Variants in BMPR1B observed in about 807,000 individuals in gnomAD.
BMPR1B encodes bone morphogenetic protein receptor type 1B.
A neutral mutation model predicts 59.1 loss-of-function variants in BMPR1B; 12 were observed. The observed-to-expected ratio is 0.20, with a 90% CI of 0.13 to 0.33. The LOEUF (loss-of-function observed/expected upper bound fraction) is 0.33, where lower values mean the gene tolerates loss of function less well. Ranked by LOEUF, BMPR1B falls within the 10% of genes least tolerant of loss-of-function variation. The pLI is 1.00. For missense variants in BMPR1B, 550 were observed against 610.9 expected, an observed-to-expected ratio of 0.90 and a Z score of 1.05; for synonymous variants, 237 against 207.3, an observed-to-expected ratio of 1.14 and a Z score of -1.23.
At chr4:95,103,536 C>G (rs1730975305) in intron 3 of BMPR1B, 1 of 958,264 alleles carries the variant, frequency 1.0e-6, no homozygotes, top group African/African-American at 1.8e-5. Context: ...TAATGCATGC[C>G]CTCTTCTGTG....
chr4:94,967,937 T>C (rs1219937212), intron 2 of BMPR1B, among the ~76,000 whole-genome samples: 1 of 152,234 alleles, frequency 6.6e-6, no homozygotes, highest in Non-Finnish European at 1.5e-5. Flanking sequence ...GAACATGAGA[T>C]ATGGCACATT....
At chr4:94,758,540 A>G (rs1266608909) in intron 1 of BMPR1B, among the ~76,000 whole-genome samples, 1 of 151,872 alleles carries the variant, frequency 6.6e-6, no homozygotes, top group Admixed American at 6.5e-5. Context: ...GCGGGGGCCC[A>G]GGGCCAGCCC....
chr4:95,088,176 T>C (rs1729730681), intron 3 of BMPR1B, among the ~76,000 whole-genome samples: 1 of 152,186 alleles, frequency 6.6e-6, no homozygotes, highest in South Asian at 2.1e-4. Context: ...TTTTCTGCTG[T>C]TTATCCTAAA....
intron 6 of BMPR1B, among the ~76,000 whole-genome samples, chr4:95,123,246 A>G (rs1253863548): frequency 6.6e-6 from 1 of 152,210 alleles, no homozygotes; most frequent in African/African-American, 2.4e-5. Context: ...AAGAAAAAGT[A>G]TGGATTTTGA....
chr4:95,109,535 C>A (rs936846889), intron 4 of BMPR1B, among the ~76,000 whole-genome samples: 3 of 152,038 alleles, frequency 2.0e-5, no homozygotes, highest in Non-Finnish European at 2.9e-5. Flanking sequence ...GCACGTTTTA[C>A]CTTGCATACT....
chr4:94,926,921 T>C (rs1000041655), intron 2 of BMPR1B, among the ~76,000 whole-genome samples: 9 of 152,116 alleles, frequency 5.9e-5, no homozygotes, highest in Non-Finnish European at 1.0e-4. Context: ...TAAATGCATG[T>C]TTTTTCTTTG....
In BMPR1B at chr4:95,131,276, C is replaced by G. The variant is rs1401526219; in HGVS notation, c.840C>G (p.Asp280Glu). 1 of 1,613,882 alleles carries G rather than the reference C, an allele frequency of 6.2e-7. No individual in the cohort carries two copies. The highest frequency in any genetic ancestry group is 2.2e-5 in the East Asian group (1 of 44,860). ...GGACCCAGTTGTACCTAATCACAGA[C>G]TATCATGAAAATGGTTCCCTTTATG... ...GSWTQLYLIT[D>E]YHENGSLYDY... is the part of the protein sequence containing the mutation. Residue 280 changes from aspartate (D) to glutamate (E), a missense_variant, in exon 10 of 13, where the codon GAC becomes GAG. Around this residue, in one of 6 missense-constraint regions of BMPR1B, gnomAD observed 318 missense variants for 284.6 expected, o/e 1.12. Transcript: ENST00000515059.
At chr4:94,902,871 T>C (rs576714748) in intron 2 of BMPR1B, among the ~76,000 whole-genome samples, 2 of 152,018 alleles carry the variant, frequency 1.3e-5, no homozygotes, top group Non-Finnish European at 2.9e-5. Context: ...GTTTTGCTTA[T>C]TCTCAATTCA....
In BMPR1B at chr4:94,882,781, TG is replaced by T. The variant is rs1727025497; in HGVS notation, c.-113+6882del. 5.3e-5 allele frequency among the ~76,000 whole-genome samples: 8 copies of T among 152,288 alleles called. 1 individual carries two copies. The South Asian group carries it at 1.7e-3, about 32-fold the overall frequency. ...GATAGAAGTAGAATTAATTGTTTTT[TG>T]TAAAGATTGTTTATCAGTTTTCATG... is the stretch of plus-strand genomic sequence containing the variant. On this transcript the variant is annotated intron_variant, in intron 2 of 12. Transcript: ENST00000515059.
At chr4:94,776,195 A>T (rs1360131132) in intron 1 of BMPR1B, among the ~76,000 whole-genome samples, 3 of 151,826 alleles carry the variant, frequency 2.0e-5, no homozygotes. Context: ...TTTCCTCTGT[A>T]TTAAAATAAT....
At chr4:95,135,294 G>GT (rs1468482536) in intron 10 of BMPR1B, among the ~76,000 whole-genome samples, 1 of 152,134 alleles carries the variant, frequency 6.6e-6, no homozygotes, top group African/African-American at 2.4e-5. Context: ...GTCAGGTAGT[G>GT]TGATGCCTCC....
chr4:94,830,031 AT>A (rs1724519187), intron 1 of BMPR1B, among the ~76,000 whole-genome samples: 2 of 152,216 alleles, frequency 1.3e-5, no homozygotes, highest in African/African-American at 4.8e-5. Flanking sequence ...AATGAGACTT[AT>A]TATGTAAGTA....
chr4:94,894,438 AAGAGAG>A (rs35163913), intron 2 of BMPR1B, among the ~76,000 whole-genome samples: 10 of 149,484 alleles, frequency 6.7e-5, no homozygotes, highest in South Asian at 6.3e-4. Context: ...TGGCCTTTAA[AAGAGAG>A]AGAGAGAGAG....
chr4:94,928,081 T>C (rs1427922264), intron 2 of BMPR1B, among the ~76,000 whole-genome samples: 4 of 152,064 alleles, frequency 2.6e-5, no homozygotes. Flanking sequence ...CTTTTTCTTA[T>C]ATTGCTCTAG....
At chr4:94,909,050 T>C (rs1192980495) in intron 2 of BMPR1B, among the ~76,000 whole-genome samples, 2 of 152,068 alleles carry the variant, frequency 1.3e-5, no homozygotes, top group Non-Finnish European at 2.9e-5. Flanking sequence ...TAGCTCCTGG[T>C]GATCACTGGT....
chr4:95,020,173 T>C (rs1361071558), intron 3 of BMPR1B, among the ~76,000 whole-genome samples: 1 of 152,180 alleles, frequency 6.6e-6, no homozygotes, highest in Non-Finnish European at 1.5e-5. Context: ...CATTTGGCAA[T>C]GTCTGGAGAC....
intron 3 of BMPR1B, among the ~76,000 whole-genome samples, chr4:95,096,186 C>T (rs1041236348): frequency 2.0e-5 from 3 of 151,432 alleles, no homozygotes; most frequent in Non-Finnish European, 4.4e-5. Flanking sequence ...GCTTCCAGCT[C>T]ATTATTGTCC....
At chr4:95,051,903 C>A in intron 3 of BMPR1B, 2 of 772,634 alleles carry the variant, frequency 2.6e-6, no homozygotes, top group Non-Finnish European at 2.0e-6. Context: ...CCCCATTCTC[C>A]AACTGCCCTG....
At chr4:94,816,653 A>G (rs1480598045) in intron 1 of BMPR1B, among the ~76,000 whole-genome samples, 1 of 152,190 alleles carries the variant, frequency 6.6e-6, no homozygotes, top group Admixed American at 6.5e-5. Context: ...AATATATGAA[A>G]TACTTCTTAA....
Sources: allele counts gnomAD v4.1 joint callset (sites outside exome capture counted in the v4.1 genomes callset), GRCh38; gene constraint gnomAD v4.1.1; regional missense constraint gnomAD v4.1.1; transcripts MANE v1.5; gene names NCBI Gene and HGNC (gene_info 2026-07-23, HGNC 2026-07-21).